The following PCDHA7 variants were observed in gnomAD, a reference collection of about 807,000 sequenced individuals.
PCDHA7 encodes the protein protocadherin alpha-7.
A neutral mutation model predicts 57.2 loss-of-function variants in PCDHA7; 37 were observed. The observed-to-expected ratio is 0.65, with a 90% CI of 0.50 to 0.85. PCDHA7 has a LOEUF of 0.85. Ranked by LOEUF, PCDHA7 falls within the 40% of genes least tolerant of loss-of-function variation. The pLI is 0.00. For missense variants in PCDHA7, 1,188 were observed against 1,241.8 expected (o/e 0.96, Z 0.65); for synonymous variants, 553 against 558.8 (o/e 0.99, Z 0.15).
chr5:140,921,377 T>C (rs1368330420), intron 1 of PCDHA7, among the ~76,000 whole-genome samples: 2 of 152,172 alleles, frequency 1.3e-5, no homozygotes, highest in Non-Finnish European at 2.9e-5. Flanking sequence ...TATTTCTACA[T>C]ATTTGATAAA....
In PCDHA7 at chr5:141,011,816, A is replaced by G. The variant is rs1382441831; in HGVS notation, c.*1879A>G. The G allele has an allele frequency of 1.3e-5, 2 of 153,794 alleles. No homozygotes were observed. Among genetic ancestry groups the G allele is most frequent in the Admixed American group, 1.3e-4 (2 of 15,280 alleles). The allele number at this position is 153,794 out of a possible 1,614,324, so 9.5% of individuals were successfully genotyped here. On this transcript the variant is annotated 3_prime_UTR_variant, in exon 4 of 4. Transcript: ENST00000525929. ...TCTGAAATATCAGCTCATAGAAAGT[A>G]ACAAAATTTGCTGTCACCTTAAATA...
Position 140,896,583 on chromosome 5 carries a change from GC to G in PCDHA7, c.2355+59847del, listed in dbSNP as rs1194968470. The stretch of plus-strand genomic sequence containing the variant: ...GTAGAGATGGGGTTTTGACGTGTTG[GC>G]CAGGCTGGTCTCGAACTCCTGGTCT... On this transcript the variant is annotated intron_variant, in intron 1 of 3. Coordinates refer to ENST00000525929, the MANE Select transcript of PCDHA7 (RefSeq NM_018910.3). Among the ~76,000 whole-genome samples, 4 of 151,654 alleles carry G rather than the reference GC, an allele frequency of 2.6e-5. No individual in the cohort carries two copies. In the East Asian group the frequency reaches 7.8e-4, roughly 29 times the overall value.
At chr5:140,929,404 G>T (rs530409256) in intron 1 of PCDHA7, 1 of 1,506,596 alleles carries the variant, frequency 6.6e-7, no homozygotes, top group South Asian at 1.4e-5. Flanking sequence ...TCTTAGACAA[G>T]CCTTTCACAA....
intron 1 of PCDHA7, chr5:140,850,407 G>A (rs2150482736): frequency 6.3e-7 from 1 of 1,597,938 alleles, no homozygotes; most frequent in Admixed American, 1.7e-5. Flanking sequence ...GCGTGCCCTG[G>A]ACGAAACGGA....
chr5:140,857,789 C>T lies in PCDHA7; in HGVS notation c.2355+21051C>T, dbSNP rs576562662. Reference sequence around the variant, plus strand: ...GGGCGGTGCAGTCAGTGAGCTGGTGCTGCGGTCGGTGGTTGCGGGTCACGT... The same window carrying T: ...GGGCGGTGCAGTCAGTGAGCTGGTGTTGCGGTCGGTGGTTGCGGGTCACGT... On this transcript the variant is annotated intron_variant, in intron 1 of 3. Transcript: ENST00000525929. 7.5e-6 allele frequency: 12 copies of T among 1,597,704 alleles called. No homozygotes were observed. In the African/African-American group the frequency reaches 1.5e-4, roughly 20 times the overall value.
chr5:140,967,684 G>A (rs1404001288), intron 1 of PCDHA7: 2 of 1,614,074 alleles, frequency 1.2e-6, no homozygotes, highest in Non-Finnish European at 8.5e-7. Context: ...GGGAGAGGCA[G>A]CTCTTCAGCA....
At chr5:140,918,074 G>T (rs546551059) in intron 1 of PCDHA7, among the ~76,000 whole-genome samples, 1 of 152,096 alleles carries the variant, frequency 6.6e-6, no homozygotes, top group South Asian at 2.1e-4. Context: ...TCTTTCAGTA[G>T]TGTTTTATAA....
At chr5:140,868,885 TA>T in intron 1 of PCDHA7, 1 of 733,950 alleles carries the variant, frequency 1.4e-6, no homozygotes, top group East Asian at 2.8e-5. Flanking sequence ...CTCACAGTTT[TA>T]GGCGCAAGGT....
At chr5:140,870,153 CG>C (rs1562639258) in intron 1 of PCDHA7, 2 of 1,614,088 alleles carry the variant, frequency 1.2e-6, no homozygotes, top group South Asian at 2.2e-5. Flanking sequence ...CTGAAGTCGC[CG>C]TGACTTCCTT....
In PCDHA7 at chr5:140,857,536, G is replaced by A. The variant is rs782533924; in HGVS notation, c.2355+20798G>A. The A allele has an allele frequency of 2.5e-6, 4 of 1,597,412 alleles. No homozygotes were observed. In the South Asian group the frequency reaches 4.4e-5, roughly 18 times the overall value. ...TGGTGTCCTACTCTCTGGTGGAGCG[G>A]CGGTTGGGCGAGCGCTCGCTGTCGA... On this transcript the variant is annotated intron_variant, in intron 1 of 3. Coordinates refer to ENST00000525929, the MANE Select transcript of PCDHA7 (RefSeq NM_018910.3).
At position 140,844,006 on chromosome 5, in the gene PCDHA7, C is replaced by T. The variant is rs1258789343; in HGVS notation, c.2355+7268C>T. Among the ~76,000 whole-genome samples, 3 of 149,656 alleles carry T rather than the reference C, an allele frequency of 2.0e-5. No homozygotes were observed. In the Admixed American group the frequency reaches 2.0e-4, roughly 10 times the overall value. ...ACAGCCGTCTTCTCTGAACAATACT[C>T]TAAGGACGTTCAGGGCATTTTGATC... is the stretch of plus-strand genomic sequence containing the variant. On this transcript the variant is annotated intron_variant, in intron 1 of 3. Coordinates refer to ENST00000525929, the MANE Select transcript of PCDHA7 (RefSeq NM_018910.3).
chr5:140,943,719 T>C (rs1198620937), intron 1 of PCDHA7, among the ~76,000 whole-genome samples: 2 of 152,126 alleles, frequency 1.3e-5, no homozygotes, highest in Non-Finnish European at 2.9e-5. Context: ...TTTAAAGGTC[T>C]GAGAGAATGA....
At chr5:140,870,893 A>G in intron 1 of PCDHA7, 1 of 1,613,930 alleles carries the variant, frequency 6.2e-7, no homozygotes, top group Non-Finnish European at 8.5e-7. Flanking sequence ...CGCGCAGTGG[A>G]TGCGGACTCA....
At chr5:140,869,275 G>T in intron 1 of PCDHA7, 1 of 1,613,584 alleles carries the variant, frequency 6.2e-7, no homozygotes, top group Non-Finnish European at 8.5e-7. Context: ...GGAGCTGGCG[G>T]AGCTGGTGCA....
chr5:140,876,212 A>G lies in PCDHA7; in HGVS notation c.2355+39474A>G, dbSNP rs782252921. On this transcript the variant is annotated intron_variant, in intron 1 of 3. Coordinates refer to ENST00000525929, the MANE Select transcript of PCDHA7 (RefSeq NM_018910.3). Reference sequence around the variant, plus strand: ...GGTCCGGCGTTTGATAAGCCCAGCTATAAAGTAGTGTTGTCTGAAAATGTC... The same window carrying G: ...GGTCCGGCGTTTGATAAGCCCAGCTGTAAAGTAGTGTTGTCTGAAAATGTC... 5.6e-6 allele frequency: 9 copies of G among 1,613,994 alleles called. No individual in the cohort carries two copies. In the East Asian group the frequency reaches 2.0e-4, roughly 36 times the overall value.
intron 1 of PCDHA7, among the ~76,000 whole-genome samples, chr5:140,916,262 G>A: frequency 6.6e-6 from 1 of 152,202 alleles, no homozygotes; most frequent in East Asian, 1.9e-4. Flanking sequence ...GACCCCAAGA[G>A]CATGCTTGTT....
rs782282264 is a variant in PCDHA7, at chr5:141,009,955, A to C, written c.*18A>C. The C allele has an allele frequency of 6.3e-7, 1 of 1,592,536 alleles. No homozygotes were observed. The highest frequency in any genetic ancestry group is 2.2e-5 in the East Asian group (1 of 44,734). ...ACCAGTGAGGTCCTCAAATGGAAAC[A>C]AGCCACTTAGCCAGTTTTTGTAATA... is the stretch of plus-strand genomic sequence containing the variant. On this transcript the variant is annotated 3_prime_UTR_variant, in exon 4 of 4. Coordinates refer to ENST00000525929, the MANE Select transcript of PCDHA7 (RefSeq NM_018910.3).
chr5:140,915,049 G>A (rs141616466), intron 1 of PCDHA7, among the ~76,000 whole-genome samples: 6,100 of 150,756 alleles, frequency 0.04, 138 homozygotes, highest in Non-Finnish European at 0.052. Flanking sequence ...GGGTTCAAGC[G>A]ATTCTCCTGC....
chr5:140,842,355 A>G lies in PCDHA7; in HGVS notation c.2355+5617A>G, dbSNP rs2150334539. ...TTAGTGAGAATTTTGGATAAAAATG[A>G]TAACGTCCCTGAGATAGCACTGACT... On this transcript the variant is annotated intron_variant, in intron 1 of 3. Transcript: ENST00000525929. The G allele has an allele frequency of 9.3e-6, 15 of 1,607,494 alleles. 1 individual carries two copies. In the East Asian group the frequency reaches 3.1e-4, roughly 33 times the overall value.
Sources: allele counts gnomAD v4.1 joint callset (sites outside exome capture counted in the v4.1 genomes callset), GRCh38; gene constraint gnomAD v4.1.1; transcripts MANE v1.5; gene names NCBI Gene and HGNC (gene_info 2026-07-23, HGNC 2026-07-21).